FUT8: variants seen among roughly 807,000 people sequenced by gnomAD.
FUT8 encodes the protein alpha-(1,6)-fucosyltransferase.
A neutral mutation model predicts 71.3 loss-of-function variants in FUT8; 29 were observed. The ratio of observed to expected loss-of-function variants is 0.41; its 90% CI spans 0.30 to 0.55. The LOEUF (loss-of-function observed/expected upper bound fraction) is 0.55, where lower values mean the gene tolerates loss of function less well. Among genes scored for constraint, FUT8 ranks in the 20% least tolerant of loss-of-function variants. The pLI is 0.34. For missense variants in FUT8, 544 were observed against 702.1 expected (o/e 0.77, Z 2.55); for synonymous variants, 254 against 239.3 (o/e 1.06, Z -0.57).
At chr14:65,466,632 C>A (rs1273676570) in intron 2 of FUT8, among the ~76,000 whole-genome samples, 1 of 152,082 alleles carries the variant, frequency 6.6e-6, no homozygotes, top group Non-Finnish European at 1.5e-5. Context: ...CGCCTGTAAT[C>A]CCAGCTACTC....
rs565265292 is a variant in FUT8 at position 65,568,673 on chromosome 14, G to A, written c.203+6907G>A. On this transcript the variant is annotated intron_variant, in intron 3 of 10. Transcript: ENST00000673929. ...TCAGTTCTTTGAAATTTATTTAATGGCTTAGCAAATGACTTATGTTGTTGA... is the reference window on the plus strand; with the variant it reads ...TCAGTTCTTTGAAATTTATTTAATGACTTAGCAAATGACTTATGTTGTTGA... Among the ~76,000 whole-genome samples, 3 of 150,144 alleles carry A rather than the reference G, an allele frequency of 2.0e-5. No individual in the cohort carries two copies. The South Asian group carries it at 6.3e-4, about 32-fold the overall frequency.
intron 10 of FUT8, among the ~76,000 whole-genome samples, chr14:65,738,751 A>G (rs1169195042): frequency 6.6e-6 from 1 of 152,098 alleles, no homozygotes; most frequent in Non-Finnish European, 1.5e-5. Flanking sequence ...CACTATAGTA[A>G]TCTTTTTAGC....
the FUT8 span, among the ~76,000 whole-genome samples, chr14:65,364,154 A>G: frequency 6.6e-6 from 1 of 152,048 alleles, no homozygotes; most frequent in Non-Finnish European, 1.5e-5. Flanking sequence ...CATCTTTCCT[A>G]CCTCACAGGT....
At chr14:65,398,284 C>T in the FUT8 span, among the ~76,000 whole-genome samples, 2 of 152,164 alleles carry the variant, frequency 1.3e-5, no homozygotes, top group African/African-American at 4.8e-5. Context: ...CTCAGCCTCC[C>T]AAGTGGTGTG....
chr14:65,733,489 AG>A (rs1402865898), intron 10 of FUT8, 108 bp downstream of exon 10: 1 of 783,062 alleles, frequency 1.3e-6, no homozygotes, highest in African/African-American at 1.8e-5. Flanking sequence ...ATTGTGACTC[AG>A]GTGCAATTTT....
At chr14:65,370,685 TAGA>T in the FUT8 span, among the ~76,000 whole-genome samples, 1 of 151,716 alleles carries the variant, frequency 6.6e-6, no homozygotes, top group Admixed American at 6.6e-5. Context: ...CTTGAAACTG[TAGA>T]AGAAGAAAAA....
rs555472160 is a variant in FUT8 at position 65,651,910 on chromosome 14, C to T, written c.598-17333C>T. On this transcript the variant is annotated intron_variant, in intron 6 of 10. Transcript: ENST00000673929. The stretch of plus-strand genomic sequence containing the variant: ...GGGACCTCTGAGAAAATTACAGAAA[C>T]ATCTTCATATTTGTATCATTGAAAT... Among the ~76,000 whole-genome samples, 4 of 152,190 alleles carry T rather than the reference C, an allele frequency of 2.6e-5. No homozygotes were observed. In the South Asian group the frequency reaches 8.3e-4, roughly 32 times the overall value.
chr14:65,635,887 G>A (rs906422207), intron 6 of FUT8, among the ~76,000 whole-genome samples: 1 of 152,014 alleles, frequency 6.6e-6, no homozygotes, highest in Non-Finnish European at 1.5e-5. Context: ...TCTCTGTCTT[G>A]TGGACTAGTA....
intron 2 of FUT8, among the ~76,000 whole-genome samples, chr14:65,543,122 A>G (rs1159088333): frequency 6.6e-6 from 1 of 152,166 alleles, no homozygotes; most frequent in Non-Finnish European, 1.5e-5. Flanking sequence ...ATCTCTCCTT[A>G]TAACTATTAA....
At position 65,576,696 on chromosome 14, in the gene FUT8, C is replaced by CTTTT. The variant is rs376473739; in HGVS notation, c.203+14968_203+14971dup. Among the ~76,000 whole-genome samples the CTTTT allele has an allele frequency of 4.5e-4, 43 of 96,212 alleles. 1 individual carries two copies. Among genetic ancestry groups the CTTTT allele is most frequent in the African/African-American group, 1.8e-3 (28 of 15,902 alleles). The allele number at this position is 96,212 out of a possible 152,430, so 63.1% of individuals were successfully genotyped here. On this transcript the variant is annotated intron_variant, in intron 3 of 10. Transcript: ENST00000673929. ...GGTGTGTGCCATGATGCCCAGCTTGCTTTTTTTTTTTTTTTTTTTTTTTTT... is the reference window on the plus strand; with the variant it reads ...GGTGTGTGCCATGATGCCCAGCTTGCTTTTTTTTTTTTTTTTTTTTTTTTTTTTT...
intron 2 of FUT8, among the ~76,000 whole-genome samples, chr14:65,462,308 C>T (rs1333588253): frequency 6.6e-6 from 1 of 152,204 alleles, no homozygotes; most frequent in Non-Finnish European, 1.5e-5. Context: ...GCCCTGATCT[C>T]TCTGACTTAC....
chr14:65,625,177 A>G (rs1889833802), intron 5 of FUT8, among the ~76,000 whole-genome samples: 1 of 152,218 alleles, frequency 6.6e-6, no homozygotes. Flanking sequence ...ACATTCTATT[A>G]TGATGAAACC....
chr14:65,678,604 G>A lies in FUT8; in HGVS notation c.835+9124G>A, dbSNP rs189512092. ...ACTAGGAATAAACCATTTTGTCTTG[G>A]AGCTCTAATATGTATATAATACTAA... On this transcript the variant is annotated intron_variant, in intron 7 of 10. Transcript: ENST00000673929. Among the ~76,000 whole-genome samples the A allele has an allele frequency of 1.2e-3, 184 of 152,234 alleles. 1 individual carries two copies. The highest frequency in any genetic ancestry group is 4.2e-3 in the African/African-American group (174 of 41,546).
intron 2 of FUT8, among the ~76,000 whole-genome samples, chr14:65,492,607 GT>G (rs1352100093): frequency 6.6e-6 from 1 of 152,100 alleles, no homozygotes; most frequent in East Asian, 1.9e-4. Context: ...TTTGCAGATT[GT>G]TCATTGTTCA....
intron 2 of FUT8, among the ~76,000 whole-genome samples, chr14:65,545,590 G>A (rs1247386352): frequency 6.6e-6 from 1 of 151,696 alleles, no homozygotes; most frequent in African/African-American, 2.4e-5. Context: ...ATTCTATTAT[G>A]TTGAATTACT....
chr14:65,609,704 GTTCATTCA>G lies in FUT8; in HGVS notation c.204-6257_204-6250del, dbSNP rs559036115. ...CTTTTTTTAAATTTTTTAAATTTTT[GTTCATTCA>G]TTCATTCATTCATTCAATCAGTCAT... On this transcript the variant is annotated intron_variant, in intron 3 of 10. Transcript: ENST00000673929. Among the ~76,000 whole-genome samples, 24 of 151,312 alleles carry G rather than the reference GTTCATTCA, an allele frequency of 1.6e-4. No homozygotes were observed. The East Asian group carries it at 4.1e-3, about 26-fold the overall frequency.
chr14:65,367,008 C>T, the FUT8 span, among the ~76,000 whole-genome samples: 1 of 152,170 alleles, frequency 6.6e-6, no homozygotes, highest in Non-Finnish European at 1.5e-5. Flanking sequence ...GACTCTGTGT[C>T]CTTAAGCAAC....
At chr14:65,442,539 A>ATACATACG (rs1701956848) in intron 1 of FUT8, among the ~76,000 whole-genome samples, 2 of 151,616 alleles carry the variant, frequency 1.3e-5, no homozygotes, top group Non-Finnish European at 2.9e-5. Flanking sequence ...ACATACATAC[A>ATACATACG]TACATACAGT....
At chr14:65,544,401 T>C (rs1884866024) in intron 2 of FUT8, among the ~76,000 whole-genome samples, 1 of 152,198 alleles carries the variant, frequency 6.6e-6, no homozygotes, top group Admixed American at 6.5e-5. Flanking sequence ...GGTTGCTCTT[T>C]CTAATATTAA....
Sources: gnomAD v4.1 joint callset for allele counts (sites outside exome capture counted in the v4.1 genomes callset) on GRCh38, gnomAD v4.1.1 for gene constraint, MANE v1.5 for transcripts, NCBI Gene and HGNC (gene_info 2026-07-23, HGNC 2026-07-21) for gene names.